The following CNTNAP2 variants were observed in gnomAD, a reference collection of about 807,000 sequenced individuals.
CNTNAP2 encodes the protein contactin associated protein 2.
Under a neutral mutation model 155.2 loss-of-function variants are expected in CNTNAP2, and 98 were observed. The ratio of observed to expected loss-of-function variants is 0.63; its 90% confidence interval spans 0.54 to 0.75. CNTNAP2 has a LOEUF of 0.75. Among genes scored for constraint, CNTNAP2 ranks in the 30% least tolerant of loss-of-function variants. The pLI, the probability that CNTNAP2 is intolerant of heterozygous loss-of-function variation, is 0.00. For missense variants in CNTNAP2, 1,727 were observed against 1,688.1 expected (o/e 1.02, Z -0.40); for synonymous variants, 651 against 631.2 (o/e 1.03, Z -0.47).
intron 2 of CNTNAP2, among the ~76,000 whole-genome samples, chr7:146,780,322 A>C (rs147502592): frequency 0.013 from 2,012 of 151,852 alleles, 42 homozygotes; most frequent in African/African-American, 0.046. Flanking sequence ...AGTAGCTGGG[A>C]CTGCAGGCGC....
chr7:146,743,293 G>A (rs556058056), intron 1 of CNTNAP2, among the ~76,000 whole-genome samples: 30 of 152,292 alleles, frequency 2.0e-4, no homozygotes, highest in African/African-American at 7.2e-4. Context: ...ACTTGAAAAG[G>A]TGGTGTGTTT....
rs147363435 is a variant in CNTNAP2, at chr7:147,511,793, T to C, written c.1777+25752T>C. On this transcript the variant is annotated intron_variant, in intron 11 of 23. Coordinates refer to ENST00000361727, the MANE Select transcript of CNTNAP2 (RefSeq NM_014141.6). The stretch of plus-strand genomic sequence containing the variant: ...CTATAGTAGCCACCAGAGAACTTTG[T>C]ATTTCTTATGTCCATTCTGGGCTGA... 2.8e-3 allele frequency among the ~76,000 whole-genome samples: 425 copies of C among 152,270 alleles called. 1 individual carries two copies. Among genetic ancestry groups the C allele is most frequent in the African/African-American group, 9.4e-3 (389 of 41,542 alleles).
chr7:147,314,958 AAGAAAT>A (rs1330978628), intron 9 of CNTNAP2, among the ~76,000 whole-genome samples: 2 of 151,048 alleles, frequency 1.3e-5, no homozygotes, highest in Non-Finnish European at 3.0e-5. Flanking sequence ...AAAAGCTTAG[AAGAAAT>A]AGAAATAGTT....
intron 15 of CNTNAP2, among the ~76,000 whole-genome samples, chr7:148,112,415 G>GTATTATTGTTAT (rs1554473407): frequency 1.7e-4 from 25 of 148,566 alleles, no homozygotes; most frequent in Non-Finnish European, 3.0e-4. Context: ...CTAAATTTTA[G>GTATTATTGTTAT]TATTATTATT....
intron 14 of CNTNAP2, among the ~76,000 whole-genome samples, chr7:147,932,912 G>C (rs1800531975): frequency 6.6e-6 from 1 of 152,016 alleles, no homozygotes. Flanking sequence ...AATTTGAATA[G>C]ACATTTATCC....
intron 1 of CNTNAP2, among the ~76,000 whole-genome samples, chr7:146,451,880 C>CATATACAT (rs71175650): frequency 9.4e-6 from 1 of 106,254 alleles, no homozygotes; most frequent in Non-Finnish European, 1.6e-5. Flanking sequence ...CGTATATATA[C>CATATACAT]ACATATACAT....
At chr7:146,898,726 T>C (rs1006051526) in intron 3 of CNTNAP2, among the ~76,000 whole-genome samples, 1 of 152,138 alleles carries the variant, frequency 6.6e-6, no homozygotes, top group Non-Finnish European at 1.5e-5. Flanking sequence ...CATGTTTTTG[T>C]GTGGTTTCTT....
chr7:146,872,402 G>C (rs1317407298), intron 3 of CNTNAP2, among the ~76,000 whole-genome samples: 1 of 152,070 alleles, frequency 6.6e-6, no homozygotes, highest in Non-Finnish European at 1.5e-5. Flanking sequence ...AACCAATGCT[G>C]CACTTTATGC....
At chr7:147,842,557 CTT>C (rs1171642244) in intron 13 of CNTNAP2, among the ~76,000 whole-genome samples, 15 of 87,564 alleles carry the variant, frequency 1.7e-4, no homozygotes, top group African/African-American at 3.3e-4. Context: ...AGTTGCATTT[CTT>C]TTTTTTTTTT....
At chr7:146,712,304 CTATATAGTATACATATCTTATGTATACT>C (rs1801104490) in intron 1 of CNTNAP2, among the ~76,000 whole-genome samples, 61 of 121,974 alleles carry the variant, frequency 5.0e-4, no homozygotes, top group African/African-American at 1.8e-3. Context: ...CTTATGTATA[CTATATAGTATACATATCTTATGTATACT>C]ATATAGTATA....
At chr7:146,446,821 T>C (rs1480874946) in intron 1 of CNTNAP2, among the ~76,000 whole-genome samples, 1 of 152,040 alleles carries the variant, frequency 6.6e-6, no homozygotes, top group East Asian at 1.9e-4. Context: ...AAATATTCCA[T>C]CGCTTTTATT....
intron 11 of CNTNAP2, among the ~76,000 whole-genome samples, chr7:147,504,416 C>T (rs1039940218): frequency 2.6e-5 from 4 of 152,022 alleles, no homozygotes; most frequent in Non-Finnish European, 5.9e-5. Flanking sequence ...AGTCCGGGCA[C>T]AGTGGCTCAC....
chr7:147,318,277 G>T lies in CNTNAP2; in HGVS notation c.1498+17987G>T, dbSNP rs1427503135. Among the ~76,000 whole-genome samples, 3 of 151,920 alleles carry T rather than the reference G, an allele frequency of 2.0e-5. No individual in the cohort carries two copies. In the East Asian group the frequency reaches 5.8e-4, roughly 29 times the overall value. On this transcript the variant is annotated intron_variant, in intron 9 of 23. Transcript: ENST00000361727. ...AGCAATGTGGTGAAACCCCATCTTT[G>T]CAAAAAATACAAAAATTAGCTGGGC...
chr7:148,201,201 A>G (rs566790138), intron 18 of CNTNAP2, among the ~76,000 whole-genome samples: 2 of 152,334 alleles, frequency 1.3e-5, no homozygotes, highest in Admixed American at 6.5e-5. Flanking sequence ...TGGTGGTCAG[A>G]ATTGTGGTTG....
At chr7:146,647,116 G>C (rs1408096768) in intron 1 of CNTNAP2, among the ~76,000 whole-genome samples, 2 of 152,106 alleles carry the variant, frequency 1.3e-5, no homozygotes, top group Admixed American at 1.3e-4. Flanking sequence ...ATGGGTGAAG[G>C]GATAACAAGA....
intron 1 of CNTNAP2, among the ~76,000 whole-genome samples, chr7:146,616,202 C>T (rs186475683): frequency 6.6e-6 from 1 of 152,122 alleles, no homozygotes; most frequent in Admixed American, 6.5e-5. Flanking sequence ...GAGGGAATCA[C>T]AACTCGGGAG....
intron 1 of CNTNAP2, among the ~76,000 whole-genome samples, chr7:146,553,254 T>A (rs981728579): frequency 6.6e-6 from 1 of 152,082 alleles, no homozygotes; most frequent in African/African-American, 2.4e-5. Context: ...TATATTTATG[T>A]CTATTCTTGA....
At chr7:146,619,875 A>T (rs1457065039) in intron 1 of CNTNAP2, among the ~76,000 whole-genome samples, 18 of 152,196 alleles carry the variant, frequency 1.2e-4, no homozygotes, top group Admixed American at 1.2e-3. Flanking sequence ...ATGTATTTTT[A>T]GTAAAATATG....
chr7:147,937,145 T>C (rs939681991), intron 14 of CNTNAP2, among the ~76,000 whole-genome samples: 2 of 152,076 alleles, frequency 1.3e-5, no homozygotes, highest in Admixed American at 6.6e-5. Flanking sequence ...GAGGAAGACA[T>C]GATAGGCCAG....
Sources: gnomAD v4.1 joint callset for allele counts (sites outside exome capture counted in the v4.1 genomes callset) on GRCh38, gnomAD v4.1.1 for gene constraint, MANE v1.5 for transcripts, NCBI Gene and HGNC (gene_info 2026-07-23, HGNC 2026-07-21) for gene names.